UPK1B: variants seen among roughly 807,000 people sequenced by gnomAD.
UPK1B encodes uroplakin 1B, also known as uroplakin-1b.
A neutral mutation model predicts 34.2 loss-of-function variants in UPK1B; 28 were observed. The ratio of observed to expected loss-of-function variants is 0.82; its 90% CI spans 0.61 to 1.12. UPK1B has a LOEUF of 1.12. Among genes scored for constraint, UPK1B ranks in the 50% most tolerant of loss-of-function variants. The pLI is 0.00. For missense variants in UPK1B, 325 were observed against 320.9 expected (o/e 1.01, Z -0.10); for synonymous variants, 81 against 110.4 (o/e 0.73, Z 1.67).
At chr3:119,178,761 C>T (rs1401517486) in intron 1 of UPK1B, among the ~76,000 whole-genome samples, 2 of 152,106 alleles carry the variant, frequency 1.3e-5, no homozygotes, top group Non-Finnish European at 2.9e-5. Flanking sequence ...ATATTGGCAT[C>T]AAAACATGTT....
chr3:119,199,037 G>A lies in UPK1B; in HGVS notation c.649-20G>A, dbSNP rs780479915. 6 of 1,613,534 alleles carry A rather than the reference G, an allele frequency of 3.7e-6. No homozygotes were observed. The highest frequency in any genetic ancestry group is 5.1e-6 in the Non-Finnish European group (6 of 1,179,744). ...TTTCTGGTTCTTCTCACACTAATGT[G>A]GAATTGCCCACTCCTTCAGGGCTGC... On this transcript the variant is annotated intron_variant, in intron 6 of 7. Coordinates refer to ENST00000264234, the MANE Select transcript of UPK1B (RefSeq NM_006952.4).
Position 119,204,041 on chromosome 3 carries a change from T to C in UPK1B, c.*74T>C. ...GGTGCTGGAACCAGCTCTCTCCTAATATTCCACGTTTGTGCCCCACACTAA... is the reference window on the plus strand; with the variant it reads ...GGTGCTGGAACCAGCTCTCTCCTAACATTCCACGTTTGTGCCCCACACTAA... On this transcript the variant is annotated 3_prime_UTR_variant, in exon 8 of 8. Transcript: ENST00000264234. 6.5e-7 allele frequency: 1 copy of C among 1,541,980 alleles called. No homozygotes were observed. Among genetic ancestry groups the C allele is most frequent in the Non-Finnish European group, 8.9e-7 (1 of 1,120,118 alleles).
chr3:119,182,382 T>A (rs1002625654), intron 1 of UPK1B, among the ~76,000 whole-genome samples: 4 of 152,172 alleles, frequency 2.6e-5, no homozygotes, highest in African/African-American at 4.8e-5. Context: ...AACAAAATCA[T>A]AACCCAATAC....
intron 7 of UPK1B, among the ~76,000 whole-genome samples, chr3:119,199,654 G>T (rs1030129486): frequency 6.6e-6 from 1 of 152,174 alleles, no homozygotes; most frequent in African/African-American, 2.4e-5. Flanking sequence ...ACATTAAAAC[G>T]CCATGGGGAA....
intron 5 of UPK1B, among the ~76,000 whole-genome samples, chr3:119,193,865 T>C (rs1445918714): frequency 6.6e-6 from 1 of 152,202 alleles, no homozygotes; most frequent in South Asian, 2.1e-4. Context: ...AGGCACTGTA[T>C]TGAGCACATT....
At chr3:119,203,509 T>C (rs2078103615) in intron 7 of UPK1B, among the ~76,000 whole-genome samples, 1 of 152,074 alleles carries the variant, frequency 6.6e-6, no homozygotes, top group Non-Finnish European at 1.5e-5. Flanking sequence ...GGGACATGGA[T>C]GAAGCTGGAA....
Position 119,187,954 on chromosome 3 carries a change from C to A in UPK1B, c.249C>A (p.Ser83=), listed in dbSNP as rs1294914747. The A allele has an allele frequency of 6.2e-7, 1 of 1,614,166 alleles. No homozygotes were observed. The highest frequency in any genetic ancestry group is 8.5e-7 in the Non-Finnish European group (1 of 1,180,020). ...TAGGCATTGTAGGCATCATGAAGTC[C>A]AGCAGGAAAATTCTTCTGGCGGTAA... ...SVLGIVGIMK[S]SRKILLAYFI... is the part of the protein sequence containing the mutation. Residue 83 remains serine (S), a synonymous_variant, in exon 3 of 8, where the codon TCC becomes TCA. Coordinates refer to ENST00000264234, the MANE Select transcript of UPK1B (RefSeq NM_006952.4).
chr3:119,196,022 T>C (rs936201522), intron 6 of UPK1B, among the ~76,000 whole-genome samples: 1 of 133,048 alleles, frequency 7.5e-6, no homozygotes, highest in African/African-American at 2.5e-5. Context: ...TGGCTTTATC[T>C]GTTCTAACAA....
chr3:119,180,316 G>A (rs2077983732), intron 1 of UPK1B, among the ~76,000 whole-genome samples: 1 of 152,176 alleles, frequency 6.6e-6, no homozygotes, highest in South Asian at 2.1e-4. Flanking sequence ...TGATTTAAAC[G>A]TTAATCACAT....
chr3:119,178,789 A>G (rs1048119429), intron 1 of UPK1B, among the ~76,000 whole-genome samples: 2 of 152,190 alleles, frequency 1.3e-5, no homozygotes, highest in Non-Finnish European at 2.9e-5. Flanking sequence ...TAAATGGAAC[A>G]TCTGTGTTTT....
At chr3:119,203,320 G>A (rs1040841626) in intron 7 of UPK1B, among the ~76,000 whole-genome samples, 101 of 113,086 alleles carry the variant, frequency 8.9e-4, no homozygotes, top group African/African-American at 2.5e-3. Context: ...CAGCCTGGGC[G>A]ACAGAGCGAA....
chr3:119,174,459 C>T (rs6792013), intron 1 of UPK1B, among the ~76,000 whole-genome samples: 10,595 of 152,110 alleles, frequency 0.07, 480 homozygotes, highest in African/African-American at 0.12. Context: ...ATTTTTAAGC[C>T]ATTTAAGAAT....
chr3:119,192,260 T>G (rs530570426), intron 5 of UPK1B, among the ~76,000 whole-genome samples: 1 of 152,302 alleles, frequency 6.6e-6, no homozygotes, highest in South Asian at 2.1e-4. Context: ...TTTCATGTTT[T>G]CTCTTTCCTC....
chr3:119,186,430 AT>A (rs1226476511), intron 1 of UPK1B, among the ~76,000 whole-genome samples: 2 of 152,194 alleles, frequency 1.3e-5, no homozygotes, highest in African/African-American at 4.8e-5. Context: ...CCCCTTGTGC[AT>A]TCCACCTTGC....
chr3:119,189,842 A>G (rs2078036152), intron 3 of UPK1B, among the ~76,000 whole-genome samples: 3 of 152,244 alleles, frequency 2.0e-5, no homozygotes, highest in Admixed American at 6.5e-5. Context: ...GAGGCCCTAT[A>G]CTGTATGTGA....
At chr3:119,179,576 C>G (rs1027552290) in intron 1 of UPK1B, among the ~76,000 whole-genome samples, 4 of 119,212 alleles carry the variant, frequency 3.4e-5, no homozygotes, top group Admixed American at 1.1e-4. Context: ...GTGGCCTGAT[C>G]TTGGCTCACT....
At chr3:119,193,373 G>A (rs1181368013) in intron 5 of UPK1B, among the ~76,000 whole-genome samples, 3 of 152,176 alleles carry the variant, frequency 2.0e-5, no homozygotes, top group African/African-American at 7.2e-5. Flanking sequence ...AAGTTTACTT[G>A]AATACATTCA....
chr3:119,204,721 C>T lies in UPK1B; in HGVS notation c.*754C>T, dbSNP rs1186085226. ...GTGAAACCCCGTCTCTACAAAAATA[C>T]AAAAATTAGCCAGGCGTGATGGCAG... On this transcript the variant is annotated 3_prime_UTR_variant, in exon 8 of 8. Transcript: ENST00000264234. 1.3e-5 allele frequency: 2 copies of T among 152,208 alleles called. No individual in the cohort carries two copies. Among genetic ancestry groups the T allele is most frequent in the African/African-American group, 4.8e-5 (2 of 41,422 alleles). 9.4% of individuals were successfully genotyped at this position (152,208 alleles called of 1,614,324 possible). A position where few individuals can be genotyped will look rare whatever the true frequency, so the allele number is the denominator to read the frequency against.
rs77946377 is a variant in UPK1B at position 119,195,360 on chromosome 3, G to A, written c.648+962G>A. On this transcript the variant is annotated intron_variant, in intron 6 of 7. Transcript: ENST00000264234. The stretch of plus-strand genomic sequence containing the variant: ...TTGTGTACCAGCTCATTAAATAATT[G>A]AGAAATGTCAGGCTGTTTTGTTTGG... Among the ~76,000 whole-genome samples, 1,464 of 152,306 alleles carry A rather than the reference G, an allele frequency of 9.6e-3. 45 individuals carry two copies. In the East Asian group the frequency reaches 0.13, roughly 13 times the overall value.
Sources: gnomAD v4.1 joint callset for allele counts (sites outside exome capture counted in the v4.1 genomes callset) on GRCh38, gnomAD v4.1.1 for gene constraint, MANE v1.5 for transcripts, NCBI Gene and HGNC (gene_info 2026-07-23, HGNC 2026-07-21) for gene names.